Variants in ANXA11 observed in about 807,000 individuals in gnomAD.
The protein encoded by ANXA11 is 56 kDa autoantigen.
In ANXA11, 57 loss-of-function variants were observed where a neutral mutation model predicts 64.7. The observed-to-expected ratio is 0.88, with a 90% CI of 0.71 to 1.10. The LOEUF is 1.10. Ranked by LOEUF, ANXA11 falls within the 50% of genes least tolerant of loss-of-function variation. ANXA11 has a pLI of 0.00. For missense variants in ANXA11, 675 were observed against 670.7 expected, an observed-to-expected ratio of 1.01 and a Z score of -0.07; for synonymous variants, 260 against 265.2, an observed-to-expected ratio of 0.98 and a Z score of 0.19.
chr10:80,163,148 G>A (rs774241705), intron 11 of ANXA11, among the ~76,000 whole-genome samples: 7 of 152,094 alleles, frequency 4.6e-5, no homozygotes, highest in Non-Finnish European at 8.8e-5. Flanking sequence ...CCTCCTATAG[G>A]TGGGGAAGCT....
intron 1 of ANXA11, among the ~76,000 whole-genome samples, chr10:80,182,817 GTGATA>G (rs1846403432): frequency 6.6e-6 from 1 of 152,160 alleles, no homozygotes; most frequent in South Asian, 2.1e-4. Flanking sequence ...AGGTGATAAT[GTGATA>G]TAAGAAATAT....
Position 80,163,535 on chromosome 10 carries a change from T to C in ANXA11, c.1028A>G (p.Gln343Arg). ...HFQRLLISLSQGNRDESTNVD... is the reference protein window; with the variant it reads ...HFQRLLISLSRGNRDESTNVD... ...CGAGCCCTGTCGTGGGAAAAGTACC[T>C]GAGAGAGAGAGATGAGGAGCCGCTG... Residue 343 changes from glutamine (Q) to arginine (R), a missense_variant and splice_region_variant, in exon 10 of 16, where the codon CAG (glutamine) becomes CGG (arginine). Physicochemically the swap from Gln to Arg is conservative, Grantham distance 43 (BLOSUM62 1). Coordinates refer to ENST00000422982, the MANE Select transcript of ANXA11 (RefSeq NM_145868.2). 1 of 1,583,780 alleles carries C rather than the reference T, an allele frequency of 6.3e-7. No homozygotes were observed. The highest frequency in any genetic ancestry group is 8.6e-7 in the Non-Finnish European group (1 of 1,164,174).
rs756614787 is a variant in ANXA11 at position 80,163,391 on chromosome 10, T to G, written c.1044A>C (p.Glu348Asp). 1.2e-6 allele frequency: 2 copies of G among 1,613,956 alleles called. No individual in the cohort carries two copies. Among genetic ancestry groups the G allele is most frequent in the East Asian group, 2.2e-5 (1 of 44,866 alleles). Reference sequence around the variant, plus strand: ...CGAGTGACATGTCCACGTTTGTGCTTTCATCACGGTTTCCCTGAAAGGAAG... The same window carrying G: ...CGAGTGACATGTCCACGTTTGTGCTGTCATCACGGTTTCCCTGAAAGGAAG... Reference protein sequence around the residue: ...LISLSQGNRDESTNVDMSLAQ... With the variant: ...LISLSQGNRDDSTNVDMSLAQ... Residue 348 changes from glutamate to aspartate, a missense_variant, in exon 11 of 16, where the codon GAA becomes GAC. Transcript: ENST00000422982.
At chr10:80,166,821 AG>A in intron 7 of ANXA11, 68 bp downstream of exon 7, 1 of 1,218,070 alleles carries the variant, frequency 8.2e-7, no homozygotes. Context: ...AAGGAAAAGC[AG>A]GGGAGAGCAG....
intron 9 of ANXA11, 60 bp from the exon 10 acceptor site, chr10:80,163,673 CA>C: frequency 6.9e-7 from 1 of 1,458,282 alleles, no homozygotes; most frequent in African/African-American, 1.4e-5. Context: ...CTGCCCATTG[CA>C]AAACACTATC....
chr10:80,160,545 C>A (rs1845464164), intron 12 of ANXA11, among the ~76,000 whole-genome samples: 1 of 152,176 alleles, frequency 6.6e-6, no homozygotes, highest in Admixed American at 6.5e-5. Context: ...TCCGTGTGGT[C>A]ACCATCCTCA....
At chr10:80,191,860 G>A (rs1056667153) in intron 1 of ANXA11, among the ~76,000 whole-genome samples, 8 of 152,148 alleles carry the variant, frequency 5.3e-5, no homozygotes, top group African/African-American at 1.7e-4. Context: ...CCTCAGAGAC[G>A]ACTCAGTTCA....
intron 1 of ANXA11, among the ~76,000 whole-genome samples, chr10:80,179,144 T>C (rs1846272048): frequency 6.6e-6 from 1 of 152,176 alleles, no homozygotes; most frequent in Admixed American, 6.5e-5. Context: ...TTGGTGCTGT[T>C]CTCATGATAG....
intron 1 of ANXA11, among the ~76,000 whole-genome samples, chr10:80,189,328 C>T (rs1846672444): frequency 1.3e-5 from 2 of 152,150 alleles, no homozygotes; most frequent in South Asian, 4.1e-4. Context: ...GAAGCATTCA[C>T]CTCTAGGGCC....
At chr10:80,180,964 T>C (rs1479332568) in intron 1 of ANXA11, 1 of 152,240 alleles carries the variant, frequency 6.6e-6, no homozygotes, top group Non-Finnish European at 1.5e-5. Context: ...TCTGCCATGT[T>C]ATGAAGCAGC....
chr10:80,177,936 T>C (rs2132442711), intron 1 of ANXA11, among the ~76,000 whole-genome samples: 1 of 152,298 alleles, frequency 6.6e-6, no homozygotes, highest in East Asian at 1.9e-4. Flanking sequence ...AGCACACTGC[T>C]CTCTGACTCA....
At chr10:80,190,817 A>G (rs1292308626) in intron 1 of ANXA11, among the ~76,000 whole-genome samples, 1 of 140,626 alleles carries the variant, frequency 7.1e-6, no homozygotes, top group Non-Finnish European at 1.6e-5. Context: ...TTGGCCAGGC[A>G]CGGTGGCTCA....
chr10:80,191,263 C>T lies in ANXA11; in HGVS notation c.-58+14080G>A, dbSNP rs12265860. ...AATTAAAATTCAAAAATTAGCCAGG[C>T]ATGGTGGCACGTGCCTGTAGTCCCA... On this transcript the variant is annotated intron_variant, in intron 1 of 15. Coordinates refer to ENST00000422982, the MANE Select transcript of ANXA11 (RefSeq NM_145868.2). 8.5e-4 allele frequency among the ~76,000 whole-genome samples: 129 copies of T among 152,144 alleles called. 1 individual carries two copies. The highest frequency in any genetic ancestry group is 2.9e-3 in the African/African-American group (120 of 41,508).
intron 8 of ANXA11, among the ~76,000 whole-genome samples, chr10:80,165,283 G>A (rs932592525): frequency 1.3e-5 from 2 of 152,208 alleles, no homozygotes; most frequent in Non-Finnish European, 2.9e-5. Context: ...GCCTCTGAGT[G>A]ACAGGCTCCT....
chr10:80,170,962 C>T, intron 3 of ANXA11, 47 bp from the exon 4 acceptor site: 1 of 1,554,888 alleles, frequency 6.4e-7, no homozygotes, highest in Non-Finnish European at 8.7e-7. Flanking sequence ...TCCCCCACCA[C>T]ACGGGGAAAG....
chr10:80,171,348 G>A (rs1845970126), intron 3 of ANXA11: 2 of 739,546 alleles, frequency 2.7e-6, no homozygotes, highest in Non-Finnish European at 3.4e-6. Flanking sequence ...AGGGGGTTTG[G>A]CTGTTTGCTA....
intron 5 of ANXA11, among the ~76,000 whole-genome samples, chr10:80,167,560 C>A (rs565648786): frequency 6.6e-6 from 1 of 152,172 alleles, no homozygotes; most frequent in Non-Finnish European, 1.5e-5. Flanking sequence ...ATAGCTGAGT[C>A]CTGATGCTGA....
chr10:80,159,597 G>C (rs1439543488), intron 12 of ANXA11, among the ~76,000 whole-genome samples: 2 of 152,146 alleles, frequency 1.3e-5, no homozygotes, highest in African/African-American at 4.8e-5. Flanking sequence ...GACTAACAGA[G>C]GACTCACATG....
chr10:80,187,547 A>T (rs1020386531), intron 1 of ANXA11, among the ~76,000 whole-genome samples: 2 of 134,600 alleles, frequency 1.5e-5, no homozygotes, highest in Admixed American at 1.4e-4. Flanking sequence ...GCGCGCGTGC[A>T]CACACACACA....
Sources: allele counts gnomAD v4.1 joint callset (sites outside exome capture counted in the v4.1 genomes callset), GRCh38; gene constraint gnomAD v4.1.1; transcripts MANE v1.5; gene names NCBI Gene and HGNC (gene_info 2026-07-23, HGNC 2026-07-21).